Variants in RERG observed in about 807,000 individuals in gnomAD.
RERG encodes ras-related and estrogen-regulated growth inhibitor.
A neutral mutation model predicts 23.2 loss-of-function variants in RERG; 25 were observed. That is an observed-to-expected ratio of 1.08 (90% CI 0.79 to 1.50). The LOEUF (loss-of-function observed/expected upper bound fraction) is 1.50, where lower values mean the gene tolerates loss of function less well. Ranked by LOEUF, RERG falls within the 40% of genes most tolerant of loss-of-function variation. RERG has a pLI of 0.00. For synonymous variants in RERG, 81 were observed against 89.1 expected, an observed-to-expected ratio of 0.91 and a Z score of 0.51; for missense variants, 253 against 250.1, an observed-to-expected ratio of 1.01 and a Z score of -0.08.
At position 15,107,919 on chromosome 12, in the gene RERG, A is replaced by G. The variant is rs907615203; in HGVS notation, c.*1191T>C. 5 of 152,644 alleles carry G rather than the reference A, an allele frequency of 3.3e-5. No homozygotes were observed. Among genetic ancestry groups the G allele is most frequent in the Non-Finnish European group, 7.4e-5 (5 of 68,008 alleles). 9.5% of individuals were successfully genotyped at this position (152,644 alleles called of 1,614,324 possible). A position where few individuals can be genotyped will look rare whatever the true frequency, so the allele number is the denominator to read the frequency against. On this transcript the variant is annotated 3_prime_UTR_variant, in exon 5 of 5. Coordinates refer to ENST00000256953, the MANE Select transcript of RERG (RefSeq NM_032918.3). ...TATACATATATCTATGCATTTATAA[A>G]TACATACATATGTAAAAGATATATA...
intron 2 of RERG, among the ~76,000 whole-genome samples, chr12:15,167,198 A>C (rs1209231189): frequency 2.0e-5 from 3 of 152,198 alleles, no homozygotes; most frequent in Non-Finnish European, 2.9e-5. Context: ...AGAATGTCCC[A>C]GACACTAGAC....
intron 3 of RERG, among the ~76,000 whole-genome samples, chr12:15,116,575 G>T (rs1269086744): frequency 6.6e-6 from 1 of 152,026 alleles, no homozygotes; most frequent in African/African-American, 2.4e-5. Context: ...GCGTGTGGTA[G>T]CGTGATTTTG....
At chr12:15,138,301 T>C (rs1864178347) in intron 2 of RERG, 1 of 157,694 alleles carries the variant, frequency 6.3e-6, no homozygotes, top group Non-Finnish European at 1.4e-5. Flanking sequence ...TCCATGTATG[T>C]TGCATGGAAA....
At chr12:15,140,475 T>TAAA (rs199765151) in intron 2 of RERG, among the ~76,000 whole-genome samples, 6,091 of 152,286 alleles carry the variant, frequency 0.04, 444 homozygotes, top group African/African-American at 0.14. Flanking sequence ...GATTTTATTT[T>TAAA]ACGTTATTTA....
chr12:15,121,395 A>G (rs1863829836), intron 2 of RERG, among the ~76,000 whole-genome samples: 1 of 152,220 alleles, frequency 6.6e-6, no homozygotes, highest in African/African-American at 2.4e-5. Flanking sequence ...AAACAAACAA[A>G]AGTATAATGT....
rs553809624 is a variant in RERG, at chr12:15,137,791, ATAAAT to A, written c.62-16677_62-16673del. 1,511 of 421,268 alleles carry A rather than the reference ATAAAT, an allele frequency of 3.6e-3. 34 individuals carry two copies. Among genetic ancestry groups the A allele is most frequent in the South Asian group, 0.025 (1,475 of 57,862 alleles). The allele number at this position is 421,268 out of a possible 1,614,324, so 26.1% of individuals were successfully genotyped here. A position where few individuals can be genotyped will look rare whatever the true frequency, so the allele number is the denominator to read the frequency against. On this transcript the variant is annotated intron_variant, in intron 2 of 4. Transcript: ENST00000256953. ...CATTGAACAAACTGTTATTTGTTAG[ATAAAT>A]TAAGAGTAAGAAAAATTAAAGTTTT...
intron 2 of RERG, among the ~76,000 whole-genome samples, chr12:15,214,590 A>C (rs1010902507): frequency 6.6e-6 from 1 of 152,238 alleles, no homozygotes; most frequent in Non-Finnish European, 1.5e-5. Context: ...AGAAAGATAA[A>C]TGTGTGATAC....
intron 2 of RERG, among the ~76,000 whole-genome samples, chr12:15,161,752 T>A (rs1864618818): frequency 6.6e-6 from 1 of 152,160 alleles, no homozygotes; most frequent in African/African-American, 2.4e-5. Context: ...AACTAAGGAA[T>A]CAATACTACC....
intron 2 of RERG, among the ~76,000 whole-genome samples, chr12:15,180,387 C>T (rs928886203): frequency 7.2e-5 from 11 of 152,126 alleles, no homozygotes; most frequent in Admixed American, 2.0e-4. Context: ...CAGTTTCCTT[C>T]TCATCTTGGA....
At position 15,193,952 on chromosome 12, in the gene RERG, CTTCTTTTTATTCT is replaced by C. The variant is rs1865107294; in HGVS notation, c.61+23464_61+23476del. Among the ~76,000 whole-genome samples, 7 of 152,174 alleles carry C rather than the reference CTTCTTTTTATTCT, an allele frequency of 4.6e-5. No individual in the cohort carries two copies. The South Asian group carries it at 1.5e-3, about 32-fold the overall frequency. On this transcript the variant is annotated intron_variant, in intron 2 of 4. Transcript: ENST00000256953. ...GAGCAAATTGGTGAAAAGAGGCTTG[CTTCTTTTTATTCT>C]TACTTTCCCATCCCTCCCTCCAAAA...
chr12:15,168,280 G>A (rs12810979), intron 2 of RERG, among the ~76,000 whole-genome samples: 10,457 of 152,120 alleles, frequency 0.069, 484 homozygotes, highest in East Asian at 0.25. Context: ...TCTTCGTTGC[G>A]GTCTGCCTTA....
intron 2 of RERG, among the ~76,000 whole-genome samples, chr12:15,213,028 C>T (rs1054847234): frequency 5.9e-5 from 9 of 152,200 alleles, no homozygotes; most frequent in African/African-American, 2.2e-4. Flanking sequence ...TATAGCTTGG[C>T]AATCTGAGTC....
intron 2 of RERG, among the ~76,000 whole-genome samples, chr12:15,185,942 GTAGA>G (rs1321453949): frequency 2.6e-5 from 4 of 151,896 alleles, no homozygotes; most frequent in African/African-American, 9.7e-5. Context: ...TACAGATAGA[GTAGA>G]TATTTATAAA....
intron 2 of RERG, among the ~76,000 whole-genome samples, chr12:15,205,715 T>C (rs898168526): frequency 6.6e-6 from 1 of 152,078 alleles, no homozygotes; most frequent in Non-Finnish European, 1.5e-5. Context: ...TAAATTACTG[T>C]CCAATGGCAC....
At chr12:15,206,262 G>A (rs1472974790) in intron 2 of RERG, among the ~76,000 whole-genome samples, 1 of 152,048 alleles carries the variant, frequency 6.6e-6, no homozygotes, top group African/African-American at 2.4e-5. Flanking sequence ...ACCACAGGAA[G>A]GCTTCACATG....
intron 2 of RERG, among the ~76,000 whole-genome samples, chr12:15,201,577 C>T (rs544989501): frequency 2.7e-5 from 4 of 147,680 alleles, no homozygotes; most frequent in African/African-American, 7.4e-5. Flanking sequence ...TAATAATTAG[C>T]TAATATTAAT....
intron 3 of RERG, among the ~76,000 whole-genome samples, chr12:15,119,909 A>C (rs1863800264): frequency 6.6e-6 from 1 of 152,214 alleles, no homozygotes; most frequent in African/African-American, 2.4e-5. Context: ...TCTGTAAAAA[A>C]GTAATGAGGA....
At chr12:15,194,827 C>G (rs528134758) in intron 2 of RERG, among the ~76,000 whole-genome samples, 1 of 152,168 alleles carries the variant, frequency 6.6e-6, no homozygotes, top group East Asian at 1.9e-4. Context: ...AAATCTTACA[C>G]GGGGCAATGG....
chr12:15,198,423 G>A (rs974679383), intron 2 of RERG, among the ~76,000 whole-genome samples: 2 of 152,098 alleles, frequency 1.3e-5, no homozygotes, highest in African/African-American at 2.4e-5. Flanking sequence ...GTTTCCAAAT[G>A]CTATTTTGAA....
Sources: allele counts gnomAD v4.1 joint callset (sites outside exome capture counted in the v4.1 genomes callset), GRCh38; gene constraint gnomAD v4.1.1; transcripts MANE v1.5; gene names NCBI Gene and HGNC (gene_info 2026-07-23, HGNC 2026-07-21).